ZNF532: variants seen among roughly 807,000 people sequenced by gnomAD.
The protein encoded by ZNF532 is zinc finger protein 532.
A neutral mutation model predicts 89.3 loss-of-function variants in ZNF532; 22 were observed. The observed-to-expected ratio is 0.25, with a 90% CI of 0.18 to 0.35. The LOEUF (loss-of-function observed/expected upper bound fraction) is 0.35. Among genes scored for constraint, ZNF532 ranks in the 10% least tolerant of loss-of-function variants. The pLI is 1.00. For missense variants in ZNF532, 1,132 were observed against 1,643.4 expected (o/e 0.69, Z 5.38); for synonymous variants, 606 against 649.6 (o/e 0.93, Z 1.02).
intron 2 of ZNF532, among the ~76,000 whole-genome samples, chr18:58,877,062 GA>G (rs917058842): frequency 4.8e-4 from 70 of 144,344 alleles, no homozygotes; most frequent in South Asian, 1.5e-3. Context: ...CTTGTCTCGA[GA>G]AAAAAAAAAA....
At chr18:58,954,043 G>T (rs374731523) in intron 7 of ZNF532, 1 of 984,332 alleles carries the variant, frequency 1.0e-6, no homozygotes, top group Non-Finnish European at 1.2e-6. Flanking sequence ...CATGAATGTG[G>T]TAAGTTACCT....
In ZNF532 at chr18:58,984,922, T is replaced by TGTAA. The variant is rs1162217039; in HGVS notation, c.*461_*464dup. The TGTAA allele has an allele frequency of 6.2e-6, 1 of 161,234 alleles. No individual in the cohort carries two copies. Among genetic ancestry groups the TGTAA allele is most frequent in the African/African-American group, 2.4e-5 (1 of 41,458 alleles). 10.0% of individuals were successfully genotyped at this position (161,234 alleles called of 1,614,324 possible). ...AATTTTTAGAATTCACTACATAAATTGTAAGTAATTGTGGGTCTCAAAAAC... is the reference window on the plus strand; with the variant it reads ...AATTTTTAGAATTCACTACATAAATTGTAAGTAAGTAATTGTGGGTCTCAAAAAC... On this transcript the variant is annotated 3_prime_UTR_variant, in exon 10 of 10. Transcript: ENST00000591808.
At chr18:58,923,426 G>A (rs1274467667) in intron 3 of ZNF532, among the ~76,000 whole-genome samples, 1 of 151,804 alleles carries the variant, frequency 6.6e-6, no homozygotes, top group Non-Finnish European at 1.5e-5. Flanking sequence ...AGTAGGAATA[G>A]CTGCTGTGTC....
chr18:58,916,011 G>C (rs1017907628), intron 2 of ZNF532, among the ~76,000 whole-genome samples: 2 of 152,224 alleles, frequency 1.3e-5, no homozygotes, highest in African/African-American at 4.8e-5. Context: ...GGGACTTCCA[G>C]AGCCTGAGCC....
chr18:58,897,223 C>T (rs912347316), intron 2 of ZNF532, among the ~76,000 whole-genome samples: 2 of 152,122 alleles, frequency 1.3e-5, no homozygotes, highest in African/African-American at 4.8e-5. Context: ...CTGCATTAAG[C>T]ACGTAATTTT....
intron 2 of ZNF532, among the ~76,000 whole-genome samples, chr18:58,901,529 A>G (rs2059600323): frequency 1.3e-5 from 2 of 152,204 alleles, no homozygotes; most frequent in Admixed American, 6.5e-5. Context: ...GGCGCTTAAT[A>G]TATTTTACTA....
intron 5 of ZNF532, among the ~76,000 whole-genome samples, chr18:58,947,785 CAT>C (rs1400571379): frequency 6.6e-6 from 1 of 152,008 alleles, no homozygotes; most frequent in Non-Finnish European, 1.5e-5. Context: ...TTTGTACAAA[CAT>C]GTGCCAGTTA....
chr18:58,979,341 G>T, intron 8 of ZNF532, 174 bp downstream of exon 8: 2 of 379,134 alleles, frequency 5.3e-6, no homozygotes, highest in Non-Finnish European at 4.6e-6. Flanking sequence ...ACTTAAATAT[G>T]AAAATAAAAA....
intron 7 of ZNF532, among the ~76,000 whole-genome samples, chr18:58,965,979 C>T (rs2065880893): frequency 6.6e-6 from 1 of 152,030 alleles, no homozygotes; most frequent in Non-Finnish European, 1.5e-5. Flanking sequence ...GCAGAGAGCA[C>T]AGTTAGAATC....
intron 2 of ZNF532, among the ~76,000 whole-genome samples, chr18:58,909,840 G>A (rs535880992): frequency 6.6e-6 from 1 of 152,342 alleles, no homozygotes; most frequent in Admixed American, 6.5e-5. Context: ...CTAGCTAATA[G>A]TAGTAAATAG....
intron 2 of ZNF532, among the ~76,000 whole-genome samples, chr18:58,906,484 A>T (rs576005388): frequency 6.6e-6 from 1 of 151,896 alleles, no homozygotes; most frequent in Non-Finnish European, 1.5e-5. Flanking sequence ...ACACTATAAG[A>T]TTCATTGGTA....
chr18:58,874,352 TA>T (rs765494085), intron 2 of ZNF532, among the ~76,000 whole-genome samples: 3 of 152,194 alleles, frequency 2.0e-5, no homozygotes, highest in Non-Finnish European at 2.9e-5. Context: ...TTTATTCTAT[TA>T]TTTTTTTTGA....
intron 2 of ZNF532, among the ~76,000 whole-genome samples, chr18:58,914,262 C>G (rs142298868): frequency 6.6e-6 from 1 of 152,140 alleles, no homozygotes; most frequent in Non-Finnish European, 1.5e-5. Flanking sequence ...CTTTCAATTT[C>G]CTTTTTTGTA....
intron 7 of ZNF532, among the ~76,000 whole-genome samples, chr18:58,965,734 T>C (rs1216331404): frequency 6.6e-6 from 1 of 152,236 alleles, no homozygotes; most frequent in South Asian, 2.1e-4. Context: ...GTTAACAGCA[T>C]CATGGTGTCG....
At chr18:58,973,417 T>C (rs2066686482) in intron 7 of ZNF532, among the ~76,000 whole-genome samples, 1 of 152,212 alleles carries the variant, frequency 6.6e-6, no homozygotes, top group Admixed American at 6.5e-5. Flanking sequence ...GATTTTTTTG[T>C]TACCTTAATA....
At chr18:58,871,133 A>G (rs2056945445) in intron 2 of ZNF532, among the ~76,000 whole-genome samples, 1 of 152,182 alleles carries the variant, frequency 6.6e-6, no homozygotes, top group Admixed American at 6.5e-5. Context: ...TGCTTTAGCA[A>G]GTTGGAGGGC....
intron 3 of ZNF532, among the ~76,000 whole-genome samples, chr18:58,928,941 T>G (rs939852887): frequency 2.6e-5 from 4 of 152,222 alleles, no homozygotes; most frequent in Non-Finnish European, 4.4e-5. Context: ...TAAAACCATG[T>G]CTAAATTTAA....
At chr18:58,921,161 G>A (rs1303920249) in intron 3 of ZNF532, among the ~76,000 whole-genome samples, 1 of 151,178 alleles carries the variant, frequency 6.6e-6, no homozygotes, top group African/African-American at 2.4e-5. Flanking sequence ...TTTGAGGGGA[G>A]GATAATATAT....
At chr18:58,924,589 T>A (rs1209089551) in intron 3 of ZNF532, among the ~76,000 whole-genome samples, 1 of 152,226 alleles carries the variant, frequency 6.6e-6, no homozygotes, top group Non-Finnish European at 1.5e-5. Context: ...CTTTTTCTTT[T>A]GAGATAATTG....
Sources: allele counts gnomAD v4.1 joint callset (sites outside exome capture counted in the v4.1 genomes callset), GRCh38; gene constraint gnomAD v4.1.1; transcripts MANE v1.5; gene names NCBI Gene and HGNC (gene_info 2026-07-23, HGNC 2026-07-21).